Variants in NRG1 observed in about 807,000 individuals in gnomAD.
NRG1 encodes neuregulin 1, also known as pro-neuregulin-1, membrane-bound isoform.
A neutral mutation model predicts 63.8 loss-of-function variants in NRG1; 18 were observed. The observed-to-expected ratio is 0.28, with a 90% CI of 0.19 to 0.42. The LOEUF (loss-of-function observed/expected upper bound fraction) is 0.42. Ranked by LOEUF, NRG1 falls within the 10% of genes least tolerant of loss-of-function variation. The pLI is 1.00. For synonymous variants in NRG1, 302 were observed against 301.3 expected (o/e 1.00, Z -0.02); for missense variants, 762 against 814.7 (o/e 0.94, Z 0.79).
chr8:31,887,175 A>G (rs1210761788), intron 1 of NRG1, among the ~76,000 whole-genome samples: 16 of 152,068 alleles, frequency 1.1e-4, no homozygotes, highest in Admixed American at 1.0e-3. Context: ...AAGGCTGAAA[A>G]TCAGCATGCA....
intron 1 of NRG1, among the ~76,000 whole-genome samples, chr8:31,900,639 A>G (rs1831997424): frequency 6.6e-6 from 1 of 152,194 alleles, no homozygotes; most frequent in African/African-American, 2.4e-5. Context: ...TTTTTATAGA[A>G]GAAACAGATG....
intron 5 of NRG1, among the ~76,000 whole-genome samples, chr8:32,626,192 AGTG>A (rs911040016): frequency 4.0e-5 from 6 of 150,090 alleles, no homozygotes; most frequent in Admixed American, 6.6e-5. Flanking sequence ...TTTCTTGGGA[AGTG>A]GGAGGTGGGA....
At chr8:31,935,401 G>A (rs1229161620) in intron 1 of NRG1, among the ~76,000 whole-genome samples, 1 of 151,952 alleles carries the variant, frequency 6.6e-6, no homozygotes, top group Non-Finnish European at 1.5e-5. Flanking sequence ...AGGATTACAG[G>A]TGTGAGCTAC....
intron 1 of NRG1, among the ~76,000 whole-genome samples, chr8:32,301,463 G>T (rs7829018): frequency 0.77 from 116,712 of 152,112 alleles, 45,085 homozygotes; most frequent in South Asian, 0.84. Flanking sequence ...TTTTAGATTT[G>T]CCCTAAAATA....
intron 1 of NRG1, among the ~76,000 whole-genome samples, chr8:32,040,750 C>CATATATGTGTAT (rs1819864113): frequency 2.1e-5 from 1 of 48,684 alleles, no homozygotes; most frequent in Non-Finnish European, 4.2e-5. Flanking sequence ...AATTTAGGCG[C>CATATATGTGTAT]ATATATATAT....
intron 1 of NRG1, among the ~76,000 whole-genome samples, chr8:32,578,565 G>T (rs1234779304): frequency 7.9e-6 from 1 of 125,916 alleles, no homozygotes; most frequent in African/African-American, 3.0e-5. Flanking sequence ...CCACTGCATT[G>T]CTGATAGATT....
At chr8:32,048,813 G>T (rs1260525315) in intron 1 of NRG1, among the ~76,000 whole-genome samples, 2 of 151,782 alleles carry the variant, frequency 1.3e-5, no homozygotes, top group African/African-American at 2.4e-5. Flanking sequence ...TTTTAATCGG[G>T]TTGTTTTGTT....
chr8:31,733,665 A>G (rs1251545613), intron 1 of NRG1, among the ~76,000 whole-genome samples: 6 of 152,178 alleles, frequency 3.9e-5, no homozygotes, highest in Admixed American at 3.9e-4. Flanking sequence ...GTTACCAGCC[A>G]GAGGACAGAG....
At chr8:32,167,286 C>A (rs907576000) in intron 1 of NRG1, among the ~76,000 whole-genome samples, 2 of 152,264 alleles carry the variant, frequency 1.3e-5, no homozygotes, top group East Asian at 3.9e-4. Flanking sequence ...TAGGAAGCCA[C>A]CTCCTGTTAC....
At position 32,626,076 on chromosome 8, in the gene NRG1, T is replaced by G. The variant is rs529671023; in HGVS notation, c.502+9191T>G. Among the ~76,000 whole-genome samples the G allele has an allele frequency of 2.5e-3, 373 of 152,112 alleles. 1 individual carries two copies. Among genetic ancestry groups the G allele is most frequent in the Admixed American group, 3.6e-3 (55 of 15,284 alleles). Reference sequence around the variant, plus strand: ...CCCAAAGTGCTGGGATTACAGGTGTTAGCCACTGCGCTTGGCCAAAACTTT... The same window carrying G: ...CCCAAAGTGCTGGGATTACAGGTGTGAGCCACTGCGCTTGGCCAAAACTTT... On this transcript the variant is annotated intron_variant, in intron 5 of 11. Coordinates refer to ENST00000356819, the Ensembl canonical transcript of NRG1.
intron 1 of NRG1, among the ~76,000 whole-genome samples, chr8:32,386,059 T>C (rs1251251555): frequency 6.6e-6 from 1 of 152,220 alleles, no homozygotes; most frequent in Non-Finnish European, 1.5e-5. Flanking sequence ...TATGCTGTCA[T>C]AGGTCTTTAG....
chr8:32,621,768 A>G (rs920805124), intron 5 of NRG1, among the ~76,000 whole-genome samples: 1 of 152,238 alleles, frequency 6.6e-6, no homozygotes, highest in Non-Finnish European at 1.5e-5. Context: ...ACTCATGGTT[A>G]TCATGAAAAC....
chr8:31,825,006 T>C (rs1824398518), intron 1 of NRG1, among the ~76,000 whole-genome samples: 1 of 152,242 alleles, frequency 6.6e-6, no homozygotes, highest in Non-Finnish European at 1.5e-5. Context: ...TTATTAATTG[T>C]AGGCATGCAG....
intron 1 of NRG1, among the ~76,000 whole-genome samples, chr8:31,799,173 T>C (rs1374591908): frequency 4.6e-5 from 7 of 152,160 alleles, no homozygotes; most frequent in African/African-American, 1.7e-4. Flanking sequence ...ATTGGAAATA[T>C]GCATAGGCAA....
intron 1 of NRG1, among the ~76,000 whole-genome samples, chr8:32,479,211 C>T (rs1824911974): frequency 6.6e-6 from 1 of 152,118 alleles, no homozygotes; most frequent in South Asian, 2.1e-4. Flanking sequence ...TGTGGTGGCT[C>T]ACACTGGTAA....
intron 1 of NRG1, among the ~76,000 whole-genome samples, chr8:31,639,587 G>A (rs1191208901): frequency 6.6e-6 from 1 of 152,028 alleles, no homozygotes; most frequent in Non-Finnish European, 1.5e-5. Flanking sequence ...TTCACACAAA[G>A]GACTGTCACC....
intron 1 of NRG1, among the ~76,000 whole-genome samples, chr8:32,464,789 CTTATT>C (rs146672245): frequency 0.15 from 22,321 of 151,850 alleles, 2,026 homozygotes; most frequent in Non-Finnish European, 0.2. Flanking sequence ...CTTTTTGTTT[CTTATT>C]TTATTTTCTT....
intron 1 of NRG1, among the ~76,000 whole-genome samples, chr8:32,511,130 T>C (rs1012740435): frequency 1.3e-5 from 2 of 150,990 alleles, no homozygotes; most frequent in African/African-American, 4.8e-5. Flanking sequence ...AATAGTGGAC[T>C]GATCTATTTT....
At chr8:32,531,539 A>G (rs1179598615) in intron 1 of NRG1, among the ~76,000 whole-genome samples, 1 of 152,198 alleles carries the variant, frequency 6.6e-6, no homozygotes, top group African/African-American at 2.4e-5. Context: ...GAAAAATCTT[A>G]AAAAGGGAAA....
Sources: gnomAD v4.1 joint callset for allele counts (sites outside exome capture counted in the v4.1 genomes callset) on GRCh38, gnomAD v4.1.1 for gene constraint, MANE v1.5 for transcripts, NCBI Gene and HGNC (gene_info 2026-07-23, HGNC 2026-07-21) for gene names.